The following HMGCLL1 variants were observed in gnomAD, a reference collection of about 807,000 sequenced individuals.
HMGCLL1 encodes 3-hydroxy-3-methylglutaryl-CoA lyase like 1.
A neutral mutation model predicts 39.1 loss-of-function variants in HMGCLL1; 36 were observed. The ratio of observed to expected loss-of-function variants is 0.92; its 90% CI spans 0.71 to 1.22. The LOEUF is 1.22. Among genes scored for constraint, HMGCLL1 ranks in the 50% most tolerant of loss-of-function variants. The pLI is 0.00. For missense variants in HMGCLL1, 451 were observed against 416.5 expected (o/e 1.08, Z -0.72); for synonymous variants, 149 against 144.0 (o/e 1.03, Z -0.25).
chr6:55,643,596 TC>T, the HMGCLL1 span, among the ~76,000 whole-genome samples: 1 of 151,876 alleles, frequency 6.6e-6, no homozygotes, highest in Non-Finnish European at 1.5e-5. Flanking sequence ...ATCCTCACCT[TC>T]CCCCACTCCC....
the HMGCLL1 span, among the ~76,000 whole-genome samples, chr6:55,645,243 G>A: frequency 6.6e-6 from 1 of 151,514 alleles, no homozygotes; most frequent in Admixed American, 6.6e-5. Context: ...TTTTTATGTT[G>A]ACTTGTTATC....
intron 4 of HMGCLL1, among the ~76,000 whole-genome samples, chr6:55,515,143 C>T (rs1767668781): frequency 6.6e-6 from 1 of 151,924 alleles, no homozygotes. Flanking sequence ...GTCCCAGCTA[C>T]TTGGGAGGCT....
At chr6:55,500,383 A>G (rs1224736072) in intron 5 of HMGCLL1, among the ~76,000 whole-genome samples, 1 of 151,962 alleles carries the variant, frequency 6.6e-6, no homozygotes, top group East Asian at 1.9e-4. Flanking sequence ...GAAATATCCT[A>G]TTTCCTTAAT....
At chr6:55,618,470 T>C in the HMGCLL1 span, among the ~76,000 whole-genome samples, 1 of 151,966 alleles carries the variant, frequency 6.6e-6, no homozygotes, top group Non-Finnish European at 1.5e-5. Context: ...ATATGAATAA[T>C]AAACATGTCA....
chr6:55,578,903 A>T (rs1373059143), intron 1 of HMGCLL1, 45 bp downstream of exon 1: 1 of 1,393,834 alleles, frequency 7.2e-7, no homozygotes, highest in Non-Finnish European at 1.0e-6. Context: ...GCTGGCTGTC[A>T]GTGTGCGCAT....
intron 3 of HMGCLL1, among the ~76,000 whole-genome samples, chr6:55,520,246 T>TAAATA (rs1554150111): frequency 1.3e-4 from 18 of 143,916 alleles, no homozygotes; most frequent in Non-Finnish European, 2.1e-4. Flanking sequence ...TAAAGTATAA[T>TAAATA]AATAAATAAA....
the HMGCLL1 span, among the ~76,000 whole-genome samples, chr6:55,641,953 A>G: frequency 1.4e-5 from 2 of 138,536 alleles, no homozygotes; most frequent in African/African-American, 5.4e-5. Context: ...ACATGTGCAC[A>G]TTGTGCAGGT....
chr6:55,670,376 C>G, the HMGCLL1 span, among the ~76,000 whole-genome samples: 2 of 151,722 alleles, frequency 1.3e-5, no homozygotes, highest in Non-Finnish European at 2.9e-5. Context: ...TCAGACAAAA[C>G]AGAAATTATA....
upstream of HMGCLL1, chr6:55,579,313 A>G: frequency 1.8e-6 from 1 of 556,958 alleles, no homozygotes; most frequent in African/African-American, 1.9e-5. Context: ...AACAGGAGAG[A>G]AAGGAGCTGA....
intron 5 of HMGCLL1, among the ~76,000 whole-genome samples, chr6:55,510,319 C>T (rs988058623): frequency 3.3e-5 from 5 of 151,814 alleles, no homozygotes; most frequent in Non-Finnish European, 7.4e-5. Context: ...ATAAATCATG[C>T]TGCTATAAAG....
rs1287752667 is a variant in HMGCLL1, at chr6:55,477,219, TA to T, written c.795+18199del. On this transcript the variant is annotated intron_variant, in intron 7 of 8. Coordinates refer to ENST00000274901, the MANE Select transcript of HMGCLL1 (RefSeq NM_001042406.2). ...ATATTATATAATATATATTATATTA[TA>T]ATATATAATATATATTATATTTATA... is the stretch of plus-strand genomic sequence containing the variant. Among the ~76,000 whole-genome samples, 80 of 13,686 alleles carry T rather than the reference TA, an allele frequency of 5.8e-3. 13 individuals are homozygous for T. The highest frequency in any genetic ancestry group is 0.033 in the African/African-American group (50 of 1,502). 9.0% of individuals were successfully genotyped at this position (13,686 alleles called of 152,430 possible). A position where few individuals can be genotyped will look rare whatever the true frequency, so the allele number is the denominator to read the frequency against.
At chr6:55,592,321 A>G in the HMGCLL1 span, among the ~76,000 whole-genome samples, 4 of 152,040 alleles carry the variant, frequency 2.6e-5, no homozygotes, top group Non-Finnish European at 1.5e-5. Context: ...CATAGTTATA[A>G]GTTCATGAAG....
In HMGCLL1 at chr6:55,434,698, C is replaced by G. The variant is rs1333708443; in HGVS notation, c.*964G>C. 1.3e-5 allele frequency: 2 copies of G among 151,972 alleles called. No individual in the cohort carries two copies. Among genetic ancestry groups the G allele is most frequent in the Non-Finnish European group, 2.9e-5 (2 of 67,976 alleles). The allele number at this position is 151,972 out of a possible 1,614,324, so 9.4% of individuals were successfully genotyped here. ...GACAAAATTTCAGCCACTTCAACTT[C>G]TAAAATAACCACTAAAAAATACACC... On this transcript the variant is annotated 3_prime_UTR_variant, in exon 9 of 9. Coordinates refer to ENST00000274901, the MANE Select transcript of HMGCLL1 (RefSeq NM_001042406.2).
In HMGCLL1 at chr6:55,508,175, C is replaced by A. The variant is rs148613306; in HGVS notation, c.542+5873G>T. ...TAACCATGTTTAGTCCAGGTGTCCA[C>A]AAATTTTTGAACCATGAATTCTCCC... is the stretch of plus-strand genomic sequence containing the variant. On this transcript the variant is annotated intron_variant, in intron 5 of 8. Coordinates refer to ENST00000274901, the MANE Select transcript of HMGCLL1 (RefSeq NM_001042406.2). 5.5e-3 allele frequency among the ~76,000 whole-genome samples: 836 copies of A among 151,864 alleles called. 7 individuals carry two copies. The highest frequency in any genetic ancestry group is 0.019 in the African/African-American group (785 of 41,492).
intron 6 of HMGCLL1, among the ~76,000 whole-genome samples, chr6:55,498,903 CA>C (rs1431307844): frequency 6.6e-6 from 1 of 151,996 alleles, no homozygotes; most frequent in African/African-American, 2.4e-5. Flanking sequence ...AGTGTTTCTC[CA>C]AAAACTGCCC....
At chr6:55,504,425 T>A (rs1375799799) in intron 5 of HMGCLL1, among the ~76,000 whole-genome samples, 1 of 151,738 alleles carries the variant, frequency 6.6e-6, no homozygotes, top group Admixed American at 6.6e-5. Flanking sequence ...AGTACAATAA[T>A]TATTTTCATA....
intron 7 of HMGCLL1, among the ~76,000 whole-genome samples, chr6:55,489,730 T>C (rs989354401): frequency 6.6e-6 from 1 of 152,070 alleles, no homozygotes; most frequent in African/African-American, 2.4e-5. Context: ...GAAACATCCA[T>C]ATCTTTAATT....
At chr6:55,583,420 C>T (rs1432592651), upstream of HMGCLL1, among the ~76,000 whole-genome samples, 1 of 151,878 alleles carries the variant, frequency 6.6e-6, no homozygotes, top group African/African-American at 2.4e-5. Context: ...TGTTCAATTC[C>T]CATCTATGAG....
At chr6:55,656,710 C>T in the HMGCLL1 span, among the ~76,000 whole-genome samples, 7 of 152,038 alleles carry the variant, frequency 4.6e-5, no homozygotes, top group Non-Finnish European at 7.4e-5. Context: ...GTTAAACTAT[C>T]GAAGGTTTCT....
Sources: allele counts gnomAD v4.1 joint callset (sites outside exome capture counted in the v4.1 genomes callset), GRCh38; gene constraint gnomAD v4.1.1; transcripts MANE v1.5; gene names NCBI Gene and HGNC (gene_info 2026-07-23, HGNC 2026-07-21).